Variants in CATSPERG observed in about 807,000 individuals in gnomAD.
CATSPERG encodes the protein catsper channel auxiliary subunit gamma.
A neutral mutation model predicts 145.0 loss-of-function variants in CATSPERG; 115 were observed. That is an observed-to-expected ratio of 0.79 (90% confidence interval 0.68 to 0.93). The LOEUF (loss-of-function observed/expected upper bound fraction) is 0.93. CATSPERG is among the 40% of genes least tolerant of loss of function. The pLI, the probability that CATSPERG is intolerant of heterozygous loss-of-function variation, is 0.00. For synonymous variants in CATSPERG, 588 were observed against 589.0 expected (o/e 1.00, Z 0.02); for missense variants, 1,296 against 1,490.1 (o/e 0.87, Z 2.14).
chr19:38,356,845 G>A lies in CATSPERG; in HGVS notation c.1299G>A (p.Val433=). The A allele has an allele frequency of 6.2e-7, 1 of 1,614,102 alleles. No individual in the cohort carries two copies. Among genetic ancestry groups the A allele is most frequent in the Non-Finnish European group, 8.5e-7 (1 of 1,179,984 alleles). The change falls in exon 11 of 29, where the codon GTG becomes GTA. Residue 433 remains valine, a synonymous_variant. Transcript: ENST00000409235. The part of the protein sequence containing the change: ...GYGNASKRFQ[V]VSYNTASDDL... ...GTAATGCAAGTAAACGTTTCCAGGT[G>A]GTCAGCTACAACACAGGTAATGAGG...
intron 7 of CATSPERG, among the ~76,000 whole-genome samples, chr19:38,350,723 T>C (rs1171553136): frequency 6.6e-6 from 1 of 152,160 alleles, no homozygotes; most frequent in Non-Finnish European, 1.5e-5. Context: ...GTGTGGTGGC[T>C]CAGGCCTGTA....
At chr19:38,337,766 T>G (rs1195443170) in intron 3 of CATSPERG, 120 bp downstream of exon 3, 1 of 886,016 alleles carries the variant, frequency 1.1e-6, no homozygotes. Context: ...TTGCCCAGAC[T>G]GGAGTGCAGT....
Position 38,344,138 on chromosome 19 carries a change from G to A in CATSPERG, c.596+19G>A. 6.4e-7 allele frequency: 1 copy of A among 1,551,446 alleles called. No individual in the cohort carries two copies. Among genetic ancestry groups the A allele is most frequent in the Non-Finnish European group, 8.7e-7 (1 of 1,146,860 alleles). ...ATAAAAGGTACCCTTTCCCAAGACG[G>A]GGGCTGGGGTGGACTCCGGGGGAAT... On this transcript the variant is annotated intron_variant, in intron 5 of 28. Coordinates refer to ENST00000409235, the MANE Select transcript of CATSPERG (RefSeq NM_021185.5).
In CATSPERG at chr19:38,360,754, GA is replaced by G; in HGVS notation, c.1793del (p.Lys598ArgfsTer15). The G allele has an allele frequency of 6.2e-7, 1 of 1,614,122 alleles. No individual in the cohort carries two copies. Among genetic ancestry groups the G allele is most frequent in the Admixed American group, 1.7e-5 (1 of 60,018 alleles). The part of the protein sequence containing the change: ...YQLVYLMNNQ[K>X]GQLVKRLVPV... ...AGCTGGTGTACCTTATGAACAACCA[GA>G]AGGGCCAGCTGGTCAAGAGGCTCGT... On this transcript the variant is annotated frameshift_variant, in exon 16 of 29. Transcript: ENST00000409235. LOFTEE classifies it high-confidence loss of function.
intron 14 of CATSPERG, chr19:38,360,285 G>C: frequency 1.0e-6 from 1 of 985,352 alleles, no homozygotes; most frequent in South Asian, 4.7e-5. Flanking sequence ...GTGTGTGAGG[G>C]CTGGAACCAG....
chr19:38,367,107 C>T (rs770573904), intron 22 of CATSPERG, 49 bp from the exon 23 acceptor site: 2 of 1,562,210 alleles, frequency 1.3e-6, no homozygotes, highest in Non-Finnish European at 1.7e-6. Context: ...CCTCCAGGGG[C>T]CTGAGGAGAC....
In CATSPERG at chr19:38,362,237, A is replaced by G; in HGVS notation, c.2122A>G (p.Thr708Ala). 1.2e-6 allele frequency: 2 copies of G among 1,610,234 alleles called. No homozygotes were observed. Among genetic ancestry groups the G allele is most frequent in the Non-Finnish European group, 8.5e-7 (1 of 1,178,358 alleles). Residue 708 changes from threonine to alanine, a missense_variant, in exon 18 of 29, where the codon ACC (threonine) becomes GCC (alanine). By Grantham distance (58) the Thr-to-Ala change is moderately conservative. Coordinates refer to ENST00000409235, the MANE Select transcript of CATSPERG (RefSeq NM_021185.5). ...KPYADPVHDP[T>A]WRWWANNKQD... ...GTACGCGGACCCGGTGCACGACCCC[A>G]CCTGGCGCTGGTGGGCGAACAACAA... is the stretch of plus-strand genomic sequence containing the variant.
chr19:38,344,079 A>G lies in CATSPERG; in HGVS notation c.556A>G (p.Ile186Val). The change falls in exon 5 of 29, where the codon ATC (isoleucine) becomes GTC (valine). Residue 186 changes from isoleucine (I) to valine (V), a missense_variant. Coordinates refer to ENST00000409235, the MANE Select transcript of CATSPERG (RefSeq NM_021185.5). ...KKGSVVMRVD[I>V]SSNGLGTFIP... ...AGGCAGTGTGGTCATGCGTGTGGACATCAGCAGCAATGGCCTGGGGACCTT... is the reference window on the plus strand; with the variant it reads ...AGGCAGTGTGGTCATGCGTGTGGACGTCAGCAGCAATGGCCTGGGGACCTT... The G allele has an allele frequency of 6.4e-7, 1 of 1,551,630 alleles. No homozygotes were observed. Among genetic ancestry groups the G allele is most frequent in the South Asian group, 1.2e-5 (1 of 84,052 alleles).
At position 38,370,608 on chromosome 19, in the gene CATSPERG, C is replaced by T. The variant is rs768674555; in HGVS notation, c.3296C>T (p.Thr1099Met). 34 of 1,614,016 alleles carry T rather than the reference C, an allele frequency of 2.1e-5. No individual in the cohort carries two copies. The highest frequency in any genetic ancestry group is 3.3e-5 in the South Asian group (3 of 91,082). Residue 1099 changes from threonine (T) to methionine (M), a missense_variant, in exon 29 of 29, where the codon ACG becomes ATG. Thr to Met is a moderately conservative substitution (Grantham distance 81, BLOSUM62 -1). Transcript: ENST00000409235. ...TGGCCCCTCGTGGTGAAGGGCTGCA[C>T]GATGATCCGGTGGAAGATAAACAAC... ...LLWPLVVKGC[T>M]MIRWKINNLI...
intron 3 of CATSPERG, among the ~76,000 whole-genome samples, chr19:38,339,854 ATTC>A (rs1171982008): frequency 6.7e-6 from 1 of 148,226 alleles, no homozygotes; most frequent in Non-Finnish European, 1.5e-5. Flanking sequence ...GTTTGGTGAG[ATTC>A]TTCTTTTTTT....
intron 3 of CATSPERG, among the ~76,000 whole-genome samples, chr19:38,342,740 G>T (rs1969960531): frequency 6.6e-6 from 1 of 151,850 alleles, no homozygotes; most frequent in African/African-American, 2.4e-5. Flanking sequence ...GCCTCCCCTT[G>T]GTGGCCTGAG....
At chr19:38,370,101 C>T in intron 27 of CATSPERG, 37 bp downstream of exon 27, 1 of 1,612,882 alleles carries the variant, frequency 6.2e-7, no homozygotes, top group Non-Finnish European at 8.5e-7. Context: ...GGGTCAGGGG[C>T]TGCCCATGGA....
chr19:38,356,463 G>A, intron 9 of CATSPERG, 21 bp from the exon 10 acceptor site: 1 of 1,613,458 alleles, frequency 6.2e-7, no homozygotes, highest in Non-Finnish European at 8.5e-7. Flanking sequence ...GCCTGAACAT[G>A]AACCCGACCT....
intron 3 of CATSPERG, among the ~76,000 whole-genome samples, chr19:38,339,293 A>T (rs1284528306): frequency 2.0e-5 from 3 of 152,178 alleles, no homozygotes; most frequent in Non-Finnish European, 2.9e-5. Flanking sequence ...TTCCAGAGCC[A>T]TGAGCCCTGG....
rs1970473666 is a variant in CATSPERG, at chr19:38,367,518, C to T, written c.2780C>T (p.Pro927Leu). 1 of 1,614,066 alleles carries T rather than the reference C, an allele frequency of 6.2e-7. No individual in the cohort carries two copies. Among genetic ancestry groups the T allele is most frequent in the Non-Finnish European group, 8.5e-7 (1 of 1,179,980 alleles). Residue 927 changes from proline to leucine, a missense_variant, in exon 24 of 29, where the codon CCC becomes CTC. Coordinates refer to ENST00000409235, the MANE Select transcript of CATSPERG (RefSeq NM_021185.5). ...PCFLFRDIFYPFFLIQDLVTG... is the reference protein window; with the variant it reads ...PCFLFRDIFYLFFLIQDLVTG... Reference sequence around the variant, plus strand: ...CCCTCCAACCCCATAGTTTTCTACCCCTTCTTCTTGATTCAAGATTTGGTG... The same window carrying T: ...CCCTCCAACCCCATAGTTTTCTACCTCTTCTTCTTGATTCAAGATTTGGTG...
In CATSPERG at chr19:38,336,186, A is replaced by G. The variant is rs1319033046; in HGVS notation, c.-15+311A>G. The G allele has an allele frequency of 5.7e-5, 26 of 456,050 alleles. No homozygotes were observed. In the Admixed American group the frequency reaches 6.1e-4, roughly 11 times the overall value. The allele number at this position is 456,050 out of a possible 1,614,324, so 28.3% of individuals were successfully genotyped here. On this transcript the variant is annotated intron_variant, in intron 1 of 28. Coordinates refer to ENST00000409235, the MANE Select transcript of CATSPERG (RefSeq NM_021185.5). ...AAGTGGGGCAAGAAGGTGTCGCGGT[A>G]CGAGGGGAAGGTGAGACTCAAGAAG...
chr19:38,338,570 T>G (rs1969883903), intron 3 of CATSPERG, among the ~76,000 whole-genome samples: 1 of 152,102 alleles, frequency 6.6e-6, no homozygotes, highest in Non-Finnish European at 1.5e-5. Flanking sequence ...TTACCCAGGC[T>G]GGAGTGCAAT....
rs1445175866 is a variant in CATSPERG, at chr19:38,343,730, C to T, written c.469+6C>T. The T allele has an allele frequency of 5.2e-6, 8 of 1,548,918 alleles. No homozygotes were observed. In the East Asian group the frequency reaches 1.7e-4, roughly 33 times the overall value. On this transcript the variant is annotated splice_donor_region_variant and intron_variant, in intron 4 of 28. Transcript: ENST00000409235. The stretch of plus-strand genomic sequence containing the variant: ...TGCCCCCTTCCGCAGCAAAGGTGGG[C>T]CTGGGGGAGGCGGGAGGGATCGCAA...
At chr19:38,345,671 A>AT (rs36061443) in intron 6 of CATSPERG, among the ~76,000 whole-genome samples, 27,027 of 140,866 alleles carry the variant, frequency 0.19, 2,715 homozygotes, top group Admixed American at 0.3. Flanking sequence ...CACCCAGCTA[A>AT]TTTTTTTTTT....
Sources: gnomAD v4.1 joint callset for allele counts (sites outside exome capture counted in the v4.1 genomes callset) on GRCh38, gnomAD v4.1.1 for gene constraint, MANE v1.5 for transcripts, NCBI Gene and HGNC (gene_info 2026-07-23, HGNC 2026-07-21) for gene names.